The following TMEM231 variants were observed in gnomAD, a reference collection of about 807,000 sequenced individuals.
TMEM231 encodes the protein transmembrane protein 231.
TMEM231 carries 40 observed loss-of-function variants against 38.5 expected under a neutral mutation model. The ratio of observed to expected loss-of-function variants is 1.04; its 90% CI spans 0.81 to 1.35. TMEM231 has a LOEUF of 1.35. TMEM231 is among the 40% of genes most tolerant of loss of function. The pLI is 0.00. For missense variants in TMEM231, 420 were observed against 416.9 expected, an observed-to-expected ratio of 1.01 and a Z score of -0.07; for synonymous variants, 199 against 181.7, an observed-to-expected ratio of 1.10 and a Z score of -0.77.
chr16:75,548,337 G>T (rs182663447), intron 2 of TMEM231, among the ~76,000 whole-genome samples: 2 of 152,330 alleles, frequency 1.3e-5, no homozygotes, highest in Admixed American at 6.5e-5. Flanking sequence ...GCGGGGGACA[G>T]ATTTGGCACA....
Position 75,555,948 on chromosome 16 carries a change from G to C in TMEM231, c.165C>G (p.Tyr55Ter), listed in dbSNP as rs760323573. The change falls in exon 2 of 7, where the codon TAC (tyrosine) becomes TAG (stop). Residue 55 changes from tyrosine (Y) to a stop codon, truncating the protein, a stop_gained. Transcript: ENST00000258173. LOFTEE classifies it high-confidence loss of function. ...SHGFWLKRSS[Y>*]EEQPTVRFQH... ...GGAAGCGCACGGTCGGCTGCTCCTC[G>C]TAGCTGCTCCGCTTCAGCCAAAACC... The C allele has an allele frequency of 6.2e-7, 1 of 1,604,034 alleles. No homozygotes were observed.
chr16:75,550,199 G>A (rs1248563594), intron 2 of TMEM231, among the ~76,000 whole-genome samples: 1 of 152,220 alleles, frequency 6.6e-6, no homozygotes, highest in Non-Finnish European at 1.5e-5. Flanking sequence ...TCGAAGAGCT[G>A]AGCCTCAGAC....
At chr16:75,541,485 G>C in intron 5 of TMEM231, 30 bp from the exon 6 acceptor site, 1 of 1,480,204 alleles carries the variant, frequency 6.8e-7, no homozygotes, top group Non-Finnish European at 9.3e-7. Flanking sequence ...CATTAACCAC[G>C]ATGGCTGTTT....
intron 5 of TMEM231, 148 bp from the exon 6 acceptor site, chr16:75,541,603 G>T: frequency 2.1e-6 from 1 of 470,382 alleles, no homozygotes; most frequent in Non-Finnish European, 3.8e-6. Context: ...CATGTGCAAA[G>T]CTGATCACAC....
chr16:75,553,867 T>C (rs2080786276), intron 2 of TMEM231, among the ~76,000 whole-genome samples: 1 of 152,028 alleles, frequency 6.6e-6, no homozygotes, highest in South Asian at 2.1e-4. Context: ...GAAATGTATC[T>C]CCAGGTCTTG....
chr16:75,555,798 A>T lies in TMEM231; in HGVS notation c.309+6T>A. On this transcript the variant is annotated splice_donor_region_variant and intron_variant, in intron 2 of 6. Coordinates refer to ENST00000258173, the MANE Select transcript of TMEM231 (RefSeq NM_001077418.3). ...TCTGCCCCAGGCCCAGGCGGGAACC[A>T]CGCACCGAAACGAGCGGGACGCGCA... 6.6e-7 allele frequency: 1 copy of T among 1,526,564 alleles called. No individual in the cohort carries two copies. Among genetic ancestry groups the T allele is most frequent in the Non-Finnish European group, 8.8e-7 (1 of 1,134,582 alleles). 94.6% of individuals were successfully genotyped at this position (1,526,564 alleles called of 1,614,324 possible). A position where few individuals can be genotyped will look rare whatever the true frequency, so the allele number is the denominator to read the frequency against.
chr16:75,546,007 A>T (rs2151703239), intron 2 of TMEM231, 53 bp from the exon 3 acceptor site: 1 of 1,561,172 alleles, frequency 6.4e-7, no homozygotes, highest in Non-Finnish European at 8.7e-7. Context: ...GTCTGGGAGG[A>T]ATCCACATCA....
intron 5 of TMEM231, chr16:75,541,672 A>G (rs1042185746): frequency 8.8e-6 from 3 of 342,734 alleles, no homozygotes; most frequent in Non-Finnish European, 1.6e-5. Flanking sequence ...AAACTTGGAA[A>G]GAGTTTCTTC....
rs1371284812 is a variant in TMEM231, at chr16:75,537,518, A to T, written c.*2476T>A. ...TTTTTTTTTTTTTGAGACGGAGTCT[A>T]GCTCTGTTGCCAGGCTGGAGTGCAG... On this transcript the variant is annotated 3_prime_UTR_variant, in exon 7 of 7. Coordinates refer to ENST00000258173, the MANE Select transcript of TMEM231 (RefSeq NM_001077418.3). The T allele has an allele frequency of 6.9e-6, 1 of 145,280 alleles. No individual in the cohort carries two copies. Among genetic ancestry groups the T allele is most frequent in the African/African-American group, 2.6e-5 (1 of 38,584 alleles). 9.0% of individuals were successfully genotyped at this position (145,280 alleles called of 1,614,324 possible). A position where few individuals can be genotyped will look rare whatever the true frequency, so the allele number is the denominator to read the frequency against.
intron 2 of TMEM231, among the ~76,000 whole-genome samples, chr16:75,551,967 A>G (rs1371228303): frequency 6.6e-6 from 1 of 151,820 alleles, no homozygotes; most frequent in African/African-American, 2.4e-5. Flanking sequence ...ATCTCAAAAA[A>G]AAAAAAGAAA....
At position 75,545,359 on chromosome 16, in the gene TMEM231, C is replaced by T. The variant is rs756494100; in HGVS notation, c.575G>A (p.Arg192Gln). 1.7e-5 allele frequency: 28 copies of T among 1,612,508 alleles called. No individual in the cohort carries two copies. The highest frequency in any genetic ancestry group is 5.0e-5 in the Admixed American group (3 of 59,842). Residue 192 changes from arginine (R) to glutamine (Q), a missense_variant, in exon 4 of 7, where the codon CGA (arginine) becomes CAA (glutamine). Coordinates refer to ENST00000258173, the MANE Select transcript of TMEM231 (RefSeq NM_001077418.3). Reference protein sequence around the residue: ...QPLSCGGLDARYNISVINGTS... With the variant: ...QPLSCGGLDAQYNISVINGTS... ...AATGAGAAGCGCTCTTACGTTGTAT[C>T]GGGCATCTAGGCCACCACAGCTCAG...
At position 75,556,151 on chromosome 16, in the gene TMEM231, C is replaced by G. The variant is rs1461161326; in HGVS notation, c.59G>C (p.Cys20Ser). ...CAGCAGGAACAGCGCGGCTTTGGAG[C>G]AGAGCCCCGCGCGGTAACTGCGCTC... ...PVERSYRAGL[C>S]SKAALFLLLA... Residue 20 changes from cysteine (C) to serine (S), a missense_variant, in exon 1 of 7, where the codon TGC (cysteine) becomes TCC (serine). Coordinates refer to ENST00000258173, the MANE Select transcript of TMEM231 (RefSeq NM_001077418.3). 6.4e-7 allele frequency: 1 copy of G among 1,564,652 alleles called. No homozygotes were observed. Among genetic ancestry groups the G allele is most frequent in the African/African-American group, 1.4e-5 (1 of 73,108 alleles).
At position 75,538,757 on chromosome 16, in the gene TMEM231, T is replaced by A. The variant is rs1363382106; in HGVS notation, c.*1237A>T. ...GGGATCAGGAAGCAGCTCCATGTGT[T>A]CTTGGAGGAGACTGCCCACATCCTC... On this transcript the variant is annotated 3_prime_UTR_variant, in exon 7 of 7. Coordinates refer to ENST00000258173, the MANE Select transcript of TMEM231 (RefSeq NM_001077418.3). 6.6e-6 allele frequency: 1 copy of A among 152,164 alleles called. No individual in the cohort carries two copies. Among genetic ancestry groups the A allele is most frequent in the Non-Finnish European group, 1.5e-5 (1 of 68,046 alleles). 9.4% of individuals were successfully genotyped at this position (152,164 alleles called of 1,614,324 possible).
At position 75,542,666 on chromosome 16, in the gene TMEM231, C is replaced by T. The variant is rs771407579; in HGVS notation, c.600G>A (p.Gly200=). The part of the protein sequence containing the change: ...DARYNISVIN[G]TSPFAYDYDL... ...CGTAGTCATAGGCAAAGGGGCTGGTCCCGTTGATCACGGATATCTGGGACA... is the reference window on the plus strand; with the variant it reads ...CGTAGTCATAGGCAAAGGGGCTGGTTCCGTTGATCACGGATATCTGGGACA... The change falls in exon 5 of 7, where the codon GGG becomes GGA. Residue 200 remains glycine, a synonymous_variant. Transcript: ENST00000258173. The T allele has an allele frequency of 1.9e-6, 3 of 1,613,860 alleles. No individual in the cohort carries two copies. The highest frequency in any genetic ancestry group is 4.5e-5 in the East Asian group (2 of 44,870).
intron 2 of TMEM231, among the ~76,000 whole-genome samples, chr16:75,546,246 G>A (rs2080689771): frequency 6.6e-6 from 1 of 152,130 alleles, no homozygotes; most frequent in Admixed American, 6.5e-5. Flanking sequence ...TGTCTCATGT[G>A]ATCTTGCTTA....
intron 2 of TMEM231, among the ~76,000 whole-genome samples, chr16:75,551,913 G>A (rs2080766149): frequency 6.6e-6 from 1 of 150,984 alleles, no homozygotes; most frequent in Non-Finnish European, 1.5e-5. Context: ...AGTGAGAAGA[G>A]ATTGCGCCAC....
chr16:75,537,090 C>G lies in TMEM231; in HGVS notation c.*2904G>C, dbSNP rs1396708027. ...TGAGCTGAGATCATGCTGCTGCACT[C>G]CAGCCTGGGTAACAGAGTGAGACTC... is the stretch of plus-strand genomic sequence containing the variant. On this transcript the variant is annotated 3_prime_UTR_variant, in exon 7 of 7. Transcript: ENST00000258173. The G allele has an allele frequency of 1.4e-5, 2 of 147,692 alleles. No individual in the cohort carries two copies. The highest frequency in any genetic ancestry group is 5.0e-5 in the African/African-American group (2 of 39,652). 9.1% of individuals were successfully genotyped at this position (147,692 alleles called of 1,614,324 possible). A position where few individuals can be genotyped will look rare whatever the true frequency, so the allele number is the denominator to read the frequency against.
At position 75,536,913 on chromosome 16, in the gene TMEM231, G is replaced by A. The variant is rs552344814; in HGVS notation, c.*3081C>T. ...AAAGCGGATGGATCACTTGAGGTCA[G>A]GAGTTCGAGACCAGCCTGACCACCA... is the stretch of plus-strand genomic sequence containing the variant. On this transcript the variant is annotated 3_prime_UTR_variant, in exon 7 of 7. Coordinates refer to ENST00000258173, the MANE Select transcript of TMEM231 (RefSeq NM_001077418.3). The A allele has an allele frequency of 6.6e-6, 1 of 152,328 alleles. No homozygotes were observed. The highest frequency in any genetic ancestry group is 1.5e-5 in the Non-Finnish European group (1 of 68,050). The allele number at this position is 152,328 out of a possible 1,614,324, so 9.4% of individuals were successfully genotyped here. A position where few individuals can be genotyped will look rare whatever the true frequency, so the allele number is the denominator to read the frequency against.
chr16:75,551,176 T>G lies in TMEM231; in HGVS notation c.309+4628A>C, dbSNP rs910340001. 3.9e-4 allele frequency among the ~76,000 whole-genome samples: 60 copies of G among 152,242 alleles called. 1 individual carries two copies. Among genetic ancestry groups the G allele is most frequent in the Non-Finnish European group, 3.4e-4 (23 of 68,044 alleles). On this transcript the variant is annotated intron_variant, in intron 2 of 6. Transcript: ENST00000258173. ...CAGAAACTGCCACTTCGTGGTTCCT[T>G]TCCACCTTTCTACCTGTATTTCTTT...
Sources: allele counts gnomAD v4.1 joint callset (sites outside exome capture counted in the v4.1 genomes callset), GRCh38; gene constraint gnomAD v4.1.1; transcripts MANE v1.5; gene names NCBI Gene and HGNC (gene_info 2026-07-23, HGNC 2026-07-21).